CTSA: variants seen among roughly 807,000 people sequenced by gnomAD.
CTSA encodes the protein lysosomal protective protein.
In CTSA, 42 loss-of-function variants were observed where a neutral mutation model predicts 66.7. That is an observed-to-expected ratio of 0.63 (90% CI 0.49 to 0.81). CTSA has a LOEUF of 0.81. Among genes scored for constraint, CTSA ranks in the 40% least tolerant of loss-of-function variants. The pLI is 0.00. For missense variants in CTSA, 525 were observed against 610.9 expected, an observed-to-expected ratio of 0.86 and a Z score of 1.48; for synonymous variants, 225 against 248.6, an observed-to-expected ratio of 0.91 and a Z score of 0.89.
Position 45,892,900 on chromosome 20 carries a change from G to A in CTSA, c.600+20G>A, listed in dbSNP as rs1187480186. ...CTTCAGGTGCAGGGTAGCTGCAGGA[G>A]GGAAGGGAGGTAGCTTGAGGCTGTG... On this transcript the variant is annotated intron_variant, in intron 6 of 14. Coordinates refer to ENST00000646241, the MANE Select transcript of CTSA (RefSeq NM_000308.4). 3 of 1,613,596 alleles carry A rather than the reference G, an allele frequency of 1.9e-6. No homozygotes were observed. The South Asian group carries it at 3.3e-5, about 18-fold the overall frequency.
Position 45,892,271 on chromosome 20 carries a change from A to G in CTSA, c.307-2A>G, listed in dbSNP as rs1438425045. The G allele has an allele frequency of 6.2e-7, 1 of 1,613,768 alleles. No homozygotes were observed. The highest frequency in any genetic ancestry group is 8.5e-7 in the Non-Finnish European group (1 of 1,180,000). Reference sequence around the variant, plus strand: ...TTACTCAGCCATCTCTTTCCTCCTCAGGTCCAGCCAGATGGTGTCACCCTG... The same window carrying G: ...TTACTCAGCCATCTCTTTCCTCCTCGGGTCCAGCCAGATGGTGTCACCCTG... On this transcript the variant is annotated splice_acceptor_variant, in intron 3 of 14. Coordinates refer to ENST00000646241, the MANE Select transcript of CTSA (RefSeq NM_000308.4). LOFTEE classifies it high-confidence loss of function.
rs978287941 is a variant in CTSA at position 45,898,690 on chromosome 20, A to G, written c.*240A>G. On this transcript the variant is annotated 3_prime_UTR_variant, in exon 15 of 15. Coordinates refer to ENST00000646241, the MANE Select transcript of CTSA (RefSeq NM_000308.4). The surrounding 1 kb of genome is among the most constrained non-coding windows in gnomAD (Gnocchi z 4.6). ...GGGTGGCCTGGCCCCTTCTCTGCTT[A>G]AAGAATGCCCTTTATGATGCACTGA... 2 of 662,696 alleles carry G rather than the reference A, an allele frequency of 3.0e-6. No individual in the cohort carries two copies. Among genetic ancestry groups the G allele is most frequent in the Middle Eastern group, 4.0e-4 (1 of 2,476 alleles). 41.1% of individuals were successfully genotyped at this position (662,696 alleles called of 1,614,324 possible). A position where few individuals can be genotyped will look rare whatever the true frequency, so the allele number is the denominator to read the frequency against.
rs6032580 is a variant in CTSA, at chr20:45,892,498, C to T, written c.444+14C>T. The T allele has an allele frequency of 2.5e-3, 4,109 of 1,611,484 alleles. 101 individuals carry two copies. In the African/African-American group the frequency reaches 0.049, roughly 19 times the overall value. ...AATGACACTGAGGTGAGTCTGGTGC[C>T]TGCCCATCTGCCCCAGGCTCCCCGG... On this transcript the variant is annotated intron_variant, in intron 5 of 14. Coordinates refer to ENST00000646241, the MANE Select transcript of CTSA (RefSeq NM_000308.4).
chr20:45,897,875 G>C (rs1289823968), intron 13 of CTSA, 69 bp downstream of exon 13: 1 of 1,499,492 alleles, frequency 6.7e-7, no homozygotes, highest in East Asian at 2.3e-5. Context: ...ATGCCTGGGA[G>C]TGGCCAGCTG....
rs889588159 is a variant in CTSA at position 45,896,251 on chromosome 20, C to A, written c.1089-714C>A. On this transcript the variant is annotated intron_variant, in intron 11 of 14. Coordinates refer to ENST00000646241, the MANE Select transcript of CTSA (RefSeq NM_000308.4). ...GTCCAGTCTCCTGTGGCCACCCCCC[C>A]CCACAACCCCAAGTAAAAGGGTAAC... is the stretch of plus-strand genomic sequence containing the variant. 2.3e-4 allele frequency: 35 copies of A among 149,046 alleles called. No homozygotes were observed. The South Asian group carries it at 3.9e-3, about 17-fold the overall frequency. The allele number at this position is 149,046 out of a possible 1,614,324, so 9.2% of individuals were successfully genotyped here.
rs963874350 is a variant in CTSA, at chr20:45,893,086, C to A, written c.601-134C>A. On this transcript the variant is annotated intron_variant, in intron 6 of 14. Coordinates refer to ENST00000646241, the MANE Select transcript of CTSA (RefSeq NM_000308.4). Reference sequence around the variant, plus strand: ...CAGCTCTGTGTTTTGCATTGAGTGGCCTCTCATACCCACCGGCCTACATAA... The same window carrying A: ...CAGCTCTGTGTTTTGCATTGAGTGGACTCTCATACCCACCGGCCTACATAA... 6.5e-6 allele frequency: 6 copies of A among 922,866 alleles called. No individual in the cohort carries two copies. In the African/African-American group the frequency reaches 8.2e-5, roughly 13 times the overall value. The allele number at this position is 922,866 out of a possible 1,614,324, so 57.2% of individuals were successfully genotyped here.
At chr20:45,895,266 C>G in intron 11 of CTSA, 133 bp downstream of exon 11, 1 of 1,007,940 alleles carries the variant, frequency 9.9e-7, no homozygotes, top group Non-Finnish European at 1.5e-6. Context: ...AACATCCATC[C>G]CTGACCCCTC....
Position 45,893,216 on chromosome 20 carries a change from A to G in CTSA, c.601-4A>G, listed in dbSNP as rs750972094. The stretch of plus-strand genomic sequence containing the variant: ...ATGAGCTGAGCACCCTGGGTGTTTC[A>G]CAGGGGCTGGCTGTGGGCAATGGAC... On this transcript the variant is annotated splice_polypyrimidine_tract_variant and splice_region_variant and intron_variant, in intron 6 of 14. Transcript: ENST00000646241. 5.0e-6 allele frequency: 8 copies of G among 1,613,134 alleles called. No individual in the cohort carries two copies. The highest frequency in any genetic ancestry group is 6.8e-6 in the Non-Finnish European group (8 of 1,179,076).
chr20:45,895,417 C>T (rs995343958), intron 11 of CTSA, among the ~76,000 whole-genome samples: 1 of 152,118 alleles, frequency 6.6e-6, no homozygotes, highest in Admixed American at 6.5e-5. Context: ...AACTCATGGG[C>T]TCAAGCAATC....
chr20:45,893,118 C>A, intron 6 of CTSA, 102 bp from the exon 7 acceptor site: 1 of 1,130,924 alleles, frequency 8.8e-7, no homozygotes, highest in Non-Finnish European at 1.3e-6. Context: ...ATAAACCACC[C>A]TGGGTTTCAG....
chr20:45,891,499 C>T lies in CTSA; in HGVS notation c.1-70C>T. On this transcript the variant is annotated intron_variant, in intron 1 of 14. Transcript: ENST00000646241. The surrounding 1 kb of genome is among the most constrained non-coding windows in gnomAD (Gnocchi z 4.6). ...GCTTCCCTCGCGGAGGCGCCGCCAG[C>T]AACTCCCCGGGGGCTGCTGCACGGA... 1 of 1,551,644 alleles carries T rather than the reference C, an allele frequency of 6.4e-7. No homozygotes were observed. Among genetic ancestry groups the T allele is most frequent in the African/African-American group, 1.4e-5 (1 of 73,228 alleles).
chr20:45,892,973 A>T, intron 6 of CTSA, 93 bp downstream of exon 6: 1 of 1,465,344 alleles, frequency 6.8e-7, no homozygotes, highest in Non-Finnish European at 9.4e-7. Flanking sequence ...TCCCCATCCA[A>T]CCCAGCTTCC....
chr20:45,898,608 TC>T lies in CTSA; in HGVS notation c.*161del. The T allele has an allele frequency of 1.3e-6, 1 of 785,980 alleles. No individual in the cohort carries two copies. Among genetic ancestry groups the T allele is most frequent in the Non-Finnish European group, 2.1e-6 (1 of 465,142 alleles). 48.7% of individuals were successfully genotyped at this position (785,980 alleles called of 1,614,324 possible). A position where few individuals can be genotyped will look rare whatever the true frequency, so the allele number is the denominator to read the frequency against. On this transcript the variant is annotated 3_prime_UTR_variant, in exon 15 of 15. Coordinates refer to ENST00000646241, the MANE Select transcript of CTSA (RefSeq NM_000308.4). This position sits in a 1 kb window ranked among gnomAD's most constrained non-coding sequence, Gnocchi z 4.6. ...TACATCCCAGACTGGGCCCAGGGTC[TC>T]CCATAGACAGCCTGGGGGCAAGTTA...
chr20:45,894,856 G>C lies in CTSA; in HGVS notation c.903G>C (p.Leu301Phe). 1 of 1,614,094 alleles carries C rather than the reference G, an allele frequency of 6.2e-7. No homozygotes were observed. The highest frequency in any genetic ancestry group is 8.5e-7 in the Non-Finnish European group (1 of 1,180,022). Residue 301 changes from leucine to phenylalanine, a missense_variant, in exon 10 of 15, where the codon TTG (leucine) becomes TTC (phenylalanine). Leu to Phe is a conservative substitution (Grantham distance 22). Coordinates refer to ENST00000646241, the MANE Select transcript of CTSA (RefSeq NM_000308.4). ...YEKDTVVVQD[L>F]GNIFTRLPLK... ...AGGACACTGTTGTGGTCCAGGATTT[G>C]GGCAACATCTTCACTCGCCTGCCAC...
In CTSA at chr20:45,892,039, G is replaced by T; in HGVS notation, c.306+12G>T. 1 of 1,602,454 alleles carries T rather than the reference G, an allele frequency of 6.2e-7. No individual in the cohort carries two copies. The highest frequency in any genetic ancestry group is 8.6e-7 in the Non-Finnish European group (1 of 1,169,434). On this transcript the variant is annotated intron_variant, in intron 3 of 14. Coordinates refer to ENST00000646241, the MANE Select transcript of CTSA (RefSeq NM_000308.4). ...ATGGCCCCTTCCTGGTGAGTGGACAGCAGGGGGAAAGCACAGTTCCCAAAG... is the reference window on the plus strand; with the variant it reads ...ATGGCCCCTTCCTGGTGAGTGGACATCAGGGGGAAAGCACAGTTCCCAAAG...
Position 45,891,335 on chromosome 20 carries a change from A to C in CTSA, c.-45A>C. ...CACGTGACTCGTACACATGACTTCC[A>C]GTCCCCGGGCGCCTCCTGGAGAGCA... On this transcript the variant is annotated 5_prime_UTR_variant, in exon 1 of 15. Coordinates refer to ENST00000646241, the MANE Select transcript of CTSA (RefSeq NM_000308.4). This position sits in a 1 kb window ranked among gnomAD's most constrained non-coding sequence, Gnocchi z 4.6. 6.4e-7 allele frequency: 1 copy of C among 1,567,252 alleles called. No individual in the cohort carries two copies. The highest frequency in any genetic ancestry group is 8.6e-7 in the Non-Finnish European group (1 of 1,156,130).
At position 45,891,698 on chromosome 20, in the gene CTSA, C is replaced by T. The variant is rs1311180360; in HGVS notation, c.130C>T (p.Gln44Ter). 16 of 1,613,372 alleles carry T rather than the reference C, an allele frequency of 9.9e-6. No homozygotes were observed. Among genetic ancestry groups the T allele is most frequent in the Non-Finnish European group, 1.4e-5 (16 of 1,180,038 alleles). Reference protein sequence around the residue: ...EIQRLPGLAKQPSFRQYSGYL... With the variant: ...EIQRLPGLAK Reference sequence around the variant, plus strand: ...CCAGCGCCTCCCCGGGCTGGCCAAGCAGCCGTCTTTCCGCCAGTACTCCGG... The same window carrying T: ...CCAGCGCCTCCCCGGGCTGGCCAAGTAGCCGTCTTTCCGCCAGTACTCCGG... The change falls in exon 2 of 15, where the codon CAG becomes TAG. Residue 44 changes from glutamine to a stop codon, truncating the protein, a stop_gained. Transcript: ENST00000646241. LOFTEE classifies it high-confidence loss of function. This position sits in a 1 kb window ranked among gnomAD's most constrained non-coding sequence, Gnocchi z 4.6.
At position 45,891,674 on chromosome 20, in the gene CTSA, C is replaced by G; in HGVS notation, c.106C>G (p.Gln36Glu). Residue 36 changes from glutamine to glutamate, a missense_variant, in exon 2 of 15, where the codon CAG becomes GAG. Physicochemically the swap from Gln to Glu is conservative, Grantham distance 29 (BLOSUM62 2). This residue lies in a region of CTSA where 246 missense variants were observed against 267.4 expected (regional missense o/e 0.92). Transcript: ENST00000646241. The surrounding 1 kb of genome is among the most constrained non-coding windows in gnomAD (Gnocchi z 4.6). Reference protein sequence around the residue: ...GEAAPDQDEIQRLPGLAKQPS... With the variant: ...GEAAPDQDEIERLPGLAKQPS... The stretch of plus-strand genomic sequence containing the variant: ...GGCAGCCCCCGACCAGGACGAGATC[C>G]AGCGCCTCCCCGGGCTGGCCAAGCA... The G allele has an allele frequency of 1.2e-6, 2 of 1,613,062 alleles. No homozygotes were observed. Among genetic ancestry groups the G allele is most frequent in the Non-Finnish European group, 1.7e-6 (2 of 1,179,988 alleles).
Position 45,892,393 on chromosome 20 carries a change from T to C in CTSA, c.358-5T>C, listed in dbSNP as rs375266196. The stretch of plus-strand genomic sequence containing the variant: ...GCATTTAGCTAATTTTTCCCTCCCC[T>C]CTAGATTGCCAATGTGTTATACCTG... On this transcript the variant is annotated splice_polypyrimidine_tract_variant and splice_region_variant and intron_variant, in intron 4 of 14. Transcript: ENST00000646241. 11 of 1,613,972 alleles carry C rather than the reference T, an allele frequency of 6.8e-6. No individual in the cohort carries two copies. Among genetic ancestry groups the C allele is most frequent in the Non-Finnish European group, 9.3e-6 (11 of 1,179,970 alleles).
Sources: allele counts gnomAD v4.1 joint callset (sites outside exome capture counted in the v4.1 genomes callset), GRCh38; gene constraint gnomAD v4.1.1; regional missense constraint gnomAD v4.1.1; non-coding constraint Gnocchi (gnomAD v3.1); transcripts MANE v1.5; gene names NCBI Gene and HGNC (gene_info 2026-07-23, HGNC 2026-07-21).